Variants in RPS6KC1 observed in about 807,000 individuals in gnomAD.
RPS6KC1 encodes the protein ribosomal protein S6 kinase C1.
RPS6KC1 carries 54 observed loss-of-function variants against 103.8 expected under a neutral mutation model. The ratio of observed to expected loss-of-function variants is 0.52; its 90% CI spans 0.42 to 0.65. The LOEUF (loss-of-function observed/expected upper bound fraction) is 0.65, where lower values mean the gene tolerates loss of function less well. RPS6KC1 is among the 30% of genes least tolerant of loss of function. The probability of loss-of-function intolerance (pLI) is 0.00; values close to 1 mark genes in which losing one functional copy is unlikely to be tolerated. For synonymous variants in RPS6KC1, 439 were observed against 438.7 expected (o/e 1.00, Z -0.01); for missense variants, 1,151 against 1,253.8 (o/e 0.92, Z 1.24).
chr1:213,377,810 G>C, the RPS6KC1 span, among the ~76,000 whole-genome samples: 2 of 152,192 alleles, frequency 1.3e-5, no homozygotes, highest in Admixed American at 6.5e-5. Context: ...ACTGGCAGCT[G>C]AATATGTTTC....
At chr1:213,202,388 A>G (rs2093195847) in intron 8 of RPS6KC1, among the ~76,000 whole-genome samples, 1 of 67,916 alleles carries the variant, frequency 1.5e-5, no homozygotes, top group Non-Finnish European at 2.9e-5. Context: ...AGGCAGGTGG[A>G]TCACTTTTGA....
the RPS6KC1 span, among the ~76,000 whole-genome samples, chr1:213,711,887 C>A: frequency 3.3e-5 from 5 of 152,182 alleles, no homozygotes; most frequent in African/African-American, 9.6e-5. Context: ...CCTCAGGAAG[C>A]TTCGTCCCCG....
chr1:213,164,828 C>G (rs976384643), intron 6 of RPS6KC1, among the ~76,000 whole-genome samples: 1 of 152,198 alleles, frequency 6.6e-6, no homozygotes, highest in Non-Finnish European at 1.5e-5. Context: ...CTTGGCCTCC[C>G]AAAGTGCTGG....
chr1:213,364,176 A>G, the RPS6KC1 span, among the ~76,000 whole-genome samples: 1 of 152,202 alleles, frequency 6.6e-6, no homozygotes, highest in African/African-American at 2.4e-5. Context: ...CTGTGTTTCA[A>G]TACAACTTTA....
At chr1:213,520,626 T>TCCCCTCCCTCG in the RPS6KC1 span, among the ~76,000 whole-genome samples, 4 of 152,140 alleles carry the variant, frequency 2.6e-5, no homozygotes, top group East Asian at 7.7e-4. Flanking sequence ...CCTTTATTCT[T>TCCCCTCCCTCG]TTTATCAGAC....
At chr1:213,488,533 ACTTTGAGAT>A in the RPS6KC1 span, among the ~76,000 whole-genome samples, 2 of 152,184 alleles carry the variant, frequency 1.3e-5, no homozygotes, top group African/African-American at 4.8e-5. Flanking sequence ...GATTTTGGCA[ACTTTGAGAT>A]TAAAGAGTGG....
intron 6 of RPS6KC1, among the ~76,000 whole-genome samples, chr1:213,143,580 A>G (rs969182870): frequency 3.3e-5 from 5 of 151,806 alleles, no homozygotes; most frequent in Non-Finnish European, 7.4e-5. Context: ...TAAATTTTCC[A>G]TAAAGTATTT....
At chr1:213,635,373 A>G in the RPS6KC1 span, among the ~76,000 whole-genome samples, 1 of 152,236 alleles carries the variant, frequency 6.6e-6, no homozygotes, top group African/African-American at 2.4e-5. Context: ...AAAATCCTCA[A>G]TAAAATACTG....
intron 6 of RPS6KC1, among the ~76,000 whole-genome samples, chr1:213,147,998 G>A (rs960238778): frequency 1.3e-5 from 2 of 152,022 alleles, no homozygotes; most frequent in Non-Finnish European, 2.9e-5. Flanking sequence ...TTCTCAGATT[G>A]TTCACTGTTG....
intron 6 of RPS6KC1, among the ~76,000 whole-genome samples, chr1:213,142,033 G>A (rs754033581): frequency 6.6e-6 from 1 of 151,978 alleles, no homozygotes; most frequent in Admixed American, 6.6e-5. Flanking sequence ...CTATGAACTT[G>A]TTTCGAGAAT....
intron 12 of RPS6KC1, among the ~76,000 whole-genome samples, chr1:213,259,639 T>C (rs2149087784): frequency 6.6e-6 from 1 of 152,306 alleles, no homozygotes; most frequent in African/African-American, 2.4e-5. Context: ...TTTCTAAATG[T>C]GTACTTTTAA....
the RPS6KC1 span, among the ~76,000 whole-genome samples, chr1:213,634,270 A>G: frequency 6.6e-6 from 1 of 152,202 alleles, no homozygotes; most frequent in African/African-American, 2.4e-5. Flanking sequence ...AATCAACAGA[A>G]CATACATTCT....
At chr1:213,730,969 C>T in the RPS6KC1 span, among the ~76,000 whole-genome samples, 1 of 152,160 alleles carries the variant, frequency 6.6e-6, no homozygotes, top group Non-Finnish European at 1.5e-5. Context: ...TGAAGGGGTC[C>T]AATTTCAATA....
the RPS6KC1 span, among the ~76,000 whole-genome samples, chr1:213,787,186 G>A: frequency 6.6e-6 from 1 of 152,122 alleles, no homozygotes; most frequent in Non-Finnish European, 1.5e-5. Flanking sequence ...TCTTCTGTGT[G>A]TTAGGCCTTG....
At chr1:213,829,149 T>C in the RPS6KC1 span, among the ~76,000 whole-genome samples, 1 of 151,808 alleles carries the variant, frequency 6.6e-6, no homozygotes, top group East Asian at 1.9e-4. Context: ...ATTCCAGCTG[T>C]CTCCATTTCT....
chr1:213,300,947 G>C, the RPS6KC1 span, among the ~76,000 whole-genome samples: 1 of 152,136 alleles, frequency 6.6e-6, no homozygotes, highest in Non-Finnish European at 1.5e-5. Flanking sequence ...GGAGGGTGGG[G>C]AATCAGCCGA....
chr1:213,118,313 A>C (rs980158690), intron 5 of RPS6KC1, among the ~76,000 whole-genome samples: 1 of 151,162 alleles, frequency 6.6e-6, no homozygotes, highest in Non-Finnish European at 1.5e-5. Context: ...AAGGTTACGG[A>C]AAAAAAAAGA....
downstream of RPS6KC1, among the ~76,000 whole-genome samples, chr1:213,275,578 CA>C (rs562445385): frequency 1.6e-4 from 24 of 152,076 alleles, no homozygotes; most frequent in South Asian, 4.4e-3. Flanking sequence ...ATAATGACAA[CA>C]TTTTTTTTTT....
chr1:213,600,709 G>A, the RPS6KC1 span, among the ~76,000 whole-genome samples: 1 of 152,186 alleles, frequency 6.6e-6, no homozygotes, highest in Non-Finnish European at 1.5e-5. Context: ...CCACTAGCAA[G>A]AGATTCACCA....
Sources: allele counts gnomAD v4.1 joint callset (sites outside exome capture counted in the v4.1 genomes callset), GRCh38; gene constraint gnomAD v4.1.1; transcripts MANE v1.5; gene names NCBI Gene and HGNC (gene_info 2026-07-23, HGNC 2026-07-21).